The following RGL1 variants were observed in gnomAD, a reference collection of about 807,000 sequenced individuals.
RGL1 encodes ral guanine nucleotide dissociation stimulator-like 1.
A neutral mutation model predicts 95.2 loss-of-function variants in RGL1; 24 were observed. That is an observed-to-expected ratio of 0.25 (90% CI 0.18 to 0.35). The LOEUF (loss-of-function observed/expected upper bound fraction) is 0.35. Among genes scored for constraint, RGL1 ranks in the 10% least tolerant of loss-of-function variants. The pLI, the probability that RGL1 is intolerant of heterozygous loss-of-function variation, is 1.00. For synonymous variants in RGL1, 329 were observed against 344.9 expected (o/e 0.95, Z 0.51); for missense variants, 715 against 936.3 (o/e 0.76, Z 3.08).
At chr1:183,894,305 A>C (rs150927404) in intron 9 of RGL1, among the ~76,000 whole-genome samples, 6 of 152,346 alleles carry the variant, frequency 3.9e-5, no homozygotes, top group African/African-American at 1.4e-4. Context: ...AGCTGTATCT[A>C]GACATTAAAG....
At chr1:183,762,403 A>G (rs1658726738) in intron 2 of RGL1, among the ~76,000 whole-genome samples, 1 of 152,250 alleles carries the variant, frequency 6.6e-6, no homozygotes, top group African/African-American at 2.4e-5. Flanking sequence ...GAGACAAGGG[A>G]ACAGCCAGTC....
At position 183,928,031 on chromosome 1, in the gene RGL1, A is replaced by G. The variant is rs536201748; in HGVS notation, c.*1739A>G. The G allele has an allele frequency of 1.6e-4, 24 of 152,708 alleles. No homozygotes were observed. The highest frequency in any genetic ancestry group is 4.8e-4 in the African/African-American group (20 of 41,562). The allele number at this position is 152,708 out of a possible 1,614,324, so 9.5% of individuals were successfully genotyped here. ...AGACTGACTGGGTTTCAACTAGTCAAAAAGCACTTTCTTCTGTTTTCAATC... is the reference window on the plus strand; with the variant it reads ...AGACTGACTGGGTTTCAACTAGTCAGAAAGCACTTTCTTCTGTTTTCAATC... On this transcript the variant is annotated 3_prime_UTR_variant, in exon 18 of 18. Coordinates refer to ENST00000360851, the MANE Select transcript of RGL1 (RefSeq NM_001297671.3).
chr1:183,852,136 C>T (rs1664860841), intron 3 of RGL1, among the ~76,000 whole-genome samples: 1 of 152,222 alleles, frequency 6.6e-6, no homozygotes, highest in African/African-American at 2.4e-5. Flanking sequence ...GTATTTATTT[C>T]CCACCGGAGA....
chr1:183,765,652 C>T (rs1658924667), intron 2 of RGL1, among the ~76,000 whole-genome samples: 1 of 152,174 alleles, frequency 6.6e-6, no homozygotes, highest in South Asian at 2.1e-4. Context: ...TCTCTCTGGT[C>T]CAATGGCACA....
chr1:183,784,809 G>A (rs1660075390), intron 2 of RGL1, among the ~76,000 whole-genome samples: 6 of 152,182 alleles, frequency 3.9e-5, no homozygotes, highest in Admixed American at 3.9e-4. Flanking sequence ...TGATCCTAGT[G>A]TGTAAAAGGA....
At chr1:183,805,996 T>TTTTTTTTTTTTTTTC (rs1661300822) in intron 1 of RGL1, among the ~76,000 whole-genome samples, 1 of 81,648 alleles carries the variant, frequency 1.2e-5, no homozygotes, top group Non-Finnish European at 2.3e-5. Context: ...TTTTTTTTTT[T>TTTTTTTTTTTTTTTC]TTTTTTTTTT....
Position 183,753,824 on chromosome 1 carries a change from A to C in RGL1, c.132+11535A>C, listed in dbSNP as rs112528123. ...AGTGTTGCCTAACAATATTAAATAT[A>C]GTGATTTTGTATTCTGAGTGTGGTA... On this transcript the variant is annotated intron_variant, in intron 2 of 18. Transcript: ENST00000304685. 6.6e-3 allele frequency among the ~76,000 whole-genome samples: 999 copies of C among 152,302 alleles called. 14 individuals carry two copies. The highest frequency in any genetic ancestry group is 0.023 in the African/African-American group (969 of 41,570).
chr1:183,920,138 G>C (rs539121489), intron 16 of RGL1, among the ~76,000 whole-genome samples: 2 of 151,820 alleles, frequency 1.3e-5, no homozygotes, highest in Non-Finnish European at 2.9e-5. Context: ...TGGTTCAAGC[G>C]GTTCTCCTGC....
chr1:183,835,878 G>A (rs1216922448), intron 2 of RGL1, among the ~76,000 whole-genome samples: 2 of 152,188 alleles, frequency 1.3e-5, no homozygotes, highest in Admixed American at 1.3e-4. Flanking sequence ...GGGCAATTGA[G>A]TTCTGATAAT....
Position 183,921,820 on chromosome 1 carries a change from C to T in RGL1, c.2005-402C>T, listed in dbSNP as rs1379842055. On this transcript the variant is annotated intron_variant, in intron 16 of 17. Transcript: ENST00000360851. ...GGCAGAACTGCGACCATTTTTATCC[C>T]GTGGGTTGTAACCAGTGCCATAGAA... Among the ~76,000 whole-genome samples the T allele has an allele frequency of 4.6e-5, 7 of 152,270 alleles. No individual in the cohort carries two copies. The South Asian group carries it at 8.3e-4, about 18-fold the overall frequency.
Position 183,925,750 on chromosome 1 carries a change from A to G in RGL1, c.2120-355A>G, listed in dbSNP as rs111740962. 2.6e-3 allele frequency among the ~76,000 whole-genome samples: 391 copies of G among 152,324 alleles called. 4 individuals carry two copies. Among genetic ancestry groups the G allele is most frequent in the African/African-American group, 8.9e-3 (371 of 41,584 alleles). ...TGGACTGCAGGAGAAACGAAACCCG[A>G]GTTCAAATCCCAGTTCTGCTATTCA... On this transcript the variant is annotated intron_variant, in intron 17 of 17. Transcript: ENST00000360851.
intron 2 of RGL1, among the ~76,000 whole-genome samples, chr1:183,785,074 TA>T (rs1400755406): frequency 2.6e-5 from 4 of 152,246 alleles, no homozygotes; most frequent in African/African-American, 9.6e-5. Context: ...AGTGCTGCTC[TA>T]ATCCTTTCTC....
Position 183,767,718 on chromosome 1 carries a change from C to T in RGL1, c.132+25429C>T, listed in dbSNP as rs542891222. On this transcript the variant is annotated intron_variant, in intron 2 of 18. Coordinates refer to the RGL1 transcript ENST00000304685. ...CTGTAATCCCAGCACTTTGTGAGGCCGAGGTGGGCAGATCACCTGAGGTCA... is the reference window on the plus strand; with the variant it reads ...CTGTAATCCCAGCACTTTGTGAGGCTGAGGTGGGCAGATCACCTGAGGTCA... Among the ~76,000 whole-genome samples the T allele has an allele frequency of 3.3e-5, 5 of 152,214 alleles. No homozygotes were observed. The East Asian group carries it at 5.8e-4, about 18-fold the overall frequency.
At chr1:183,906,952 T>G in intron 13 of RGL1, 60 bp from the exon 14 acceptor site, 1 of 918,256 alleles carries the variant, frequency 1.1e-6, no homozygotes, top group Non-Finnish European at 1.8e-6. Flanking sequence ...ATCATGTGAA[T>G]TTAAGTGTGT....
chr1:183,776,885 G>A (rs1659636082), intron 2 of RGL1, among the ~76,000 whole-genome samples: 1 of 152,176 alleles, frequency 6.6e-6, no homozygotes, highest in Admixed American at 6.5e-5. Flanking sequence ...TACTAATGTT[G>A]TGGTGCTTAG....
At chr1:183,718,930 C>G (rs567929226) in intron 1 of RGL1, among the ~76,000 whole-genome samples, 1 of 151,836 alleles carries the variant, frequency 6.6e-6, no homozygotes, top group Non-Finnish European at 1.5e-5. Context: ...CAAAACAAAA[C>G]AAAAAAACGA....
chr1:183,768,461 C>CTTT (rs71130639), intron 2 of RGL1, among the ~76,000 whole-genome samples: 2,764 of 83,632 alleles, frequency 0.033, 41 homozygotes, highest in Non-Finnish European at 0.046. Flanking sequence ...CTTTAGATAA[C>CTTT]TTTTTTTTTT....
chr1:183,705,047 G>T (rs887108566), intron 1 of RGL1, among the ~76,000 whole-genome samples: 2 of 152,186 alleles, frequency 1.3e-5, no homozygotes, highest in Non-Finnish European at 2.9e-5. Context: ...GAGGACGGGG[G>T]CTGAGGCGAG....
At chr1:183,871,289 G>T (rs952234884) in intron 4 of RGL1, among the ~76,000 whole-genome samples, 1 of 152,210 alleles carries the variant, frequency 6.6e-6, no homozygotes, top group African/African-American at 2.4e-5. Context: ...CTGGGGTCAT[G>T]AATAAAGAGC....
Sources: gnomAD v4.1 joint callset for allele counts (sites outside exome capture counted in the v4.1 genomes callset) on GRCh38, gnomAD v4.1.1 for gene constraint, MANE v1.5 for transcripts, NCBI Gene and HGNC (gene_info 2026-07-23, HGNC 2026-07-21) for gene names.